PPME1: variants seen among roughly 807,000 people sequenced by gnomAD.
PPME1 encodes the protein testicular secretory protein Li 39.
Under a neutral mutation model 56.9 loss-of-function variants are expected in PPME1, and 17 were observed. That is an observed-to-expected ratio of 0.30 (90% CI 0.20 to 0.45). The LOEUF (loss-of-function observed/expected upper bound fraction) is 0.45, where lower values mean the gene tolerates loss of function less well. Among genes scored for constraint, PPME1 ranks in the 20% least tolerant of loss-of-function variants. The pLI, the probability that PPME1 is intolerant of heterozygous loss-of-function variation, is 1.00. For missense variants in PPME1, 357 were observed against 483.2 expected (o/e 0.74, Z 2.45); for synonymous variants, 122 against 156.2 (o/e 0.78, Z 1.63).
chr11:74,234,916 G>A lies in PPME1; in HGVS notation c.645-985G>A, dbSNP rs183153339. ...TCTTTTCAGAAGCAAGAGGGGATGG[G>A]AACTAGTGCCCAAGGTTGGCCTTGA... On this transcript the variant is annotated intron_variant, in intron 7 of 13. Coordinates refer to ENST00000328257, the MANE Select transcript of PPME1 (RefSeq NM_016147.3). Among the ~76,000 whole-genome samples, 301 of 152,268 alleles carry A rather than the reference G, an allele frequency of 2.0e-3. 1 individual carries two copies. The highest frequency in any genetic ancestry group is 6.5e-3 in the Admixed American group (99 of 15,298).
chr11:74,176,760 T>C (rs1475520719), intron 1 of PPME1, among the ~76,000 whole-genome samples: 1 of 142,734 alleles, frequency 7.0e-6, no homozygotes, highest in Non-Finnish European at 1.5e-5. Context: ...AGAGTCTTGC[T>C]CTGTCACCGA....
intron 3 of PPME1, among the ~76,000 whole-genome samples, chr11:74,216,007 ATAT>A (rs1239864942): frequency 6.6e-6 from 1 of 152,230 alleles, no homozygotes; most frequent in Non-Finnish European, 1.5e-5. Flanking sequence ...GGTAAAGCAA[ATAT>A]TATTAGAGCT....
chr11:74,195,284 C>T (rs992828624), intron 1 of PPME1, among the ~76,000 whole-genome samples: 4 of 152,124 alleles, frequency 2.6e-5, no homozygotes, highest in Non-Finnish European at 4.4e-5. Context: ...TAATCAGTGC[C>T]TGGCTTTTCT....
chr11:74,253,720 G>A lies in PPME1; in HGVS notation c.*210G>A, dbSNP rs1859763498. ...CCCTTGACCAACATCGGCTTCCCCA[G>A]TCCAGGGCTCCCCTGCTCCTTTCCC... On this transcript the variant is annotated 3_prime_UTR_variant, in exon 14 of 14. Transcript: ENST00000328257. The A allele has an allele frequency of 1.6e-6, 1 of 622,482 alleles. No individual in the cohort carries two copies. The highest frequency in any genetic ancestry group is 2.9e-6 in the Non-Finnish European group (1 of 349,786). The allele number at this position is 622,482 out of a possible 1,614,324, so 38.6% of individuals were successfully genotyped here. A position where few individuals can be genotyped will look rare whatever the true frequency, so the allele number is the denominator to read the frequency against.
At chr11:74,205,020 T>C (rs1405050190) in intron 3 of PPME1, 1 of 152,386 alleles carries the variant, frequency 6.6e-6, no homozygotes, top group Non-Finnish European at 1.5e-5. Flanking sequence ...TAAACTTCCA[T>C]AGTGCAATTA....
intron 11 of PPME1, 59 bp from the exon 12 acceptor site, chr11:74,250,895 G>C (rs1859640961): frequency 7.0e-7 from 1 of 1,428,076 alleles, no homozygotes; most frequent in Non-Finnish European, 9.7e-7. Context: ...GACCTATGAG[G>C]CTGCATAAGA....
intron 3 of PPME1, among the ~76,000 whole-genome samples, chr11:74,220,241 A>C (rs1373778470): frequency 6.6e-6 from 1 of 152,186 alleles, no homozygotes; most frequent in East Asian, 1.9e-4. Context: ...TAAGAAGATA[A>C]TATGAGATTA....
chr11:74,235,414 G>A (rs923567051), intron 7 of PPME1, among the ~76,000 whole-genome samples: 5 of 151,910 alleles, frequency 3.3e-5, no homozygotes, highest in Non-Finnish European at 7.4e-5. Flanking sequence ...TTATCCTGCC[G>A]ACTTTCACAT....
chr11:74,249,715 A>G (rs1215850688), intron 11 of PPME1: 1 of 152,234 alleles, frequency 6.6e-6, no homozygotes, highest in Non-Finnish European at 1.5e-5. Context: ...TCTTATGGAA[A>G]TGACACACTC....
chr11:74,240,915 C>T (rs1859339956), intron 9 of PPME1, among the ~76,000 whole-genome samples: 1 of 152,190 alleles, frequency 6.6e-6, no homozygotes, highest in African/African-American at 2.4e-5. Flanking sequence ...CATTTTAGTT[C>T]TGCATTGTAG....
At chr11:74,175,161 A>C (rs1857372988) in intron 1 of PPME1, among the ~76,000 whole-genome samples, 1 of 152,220 alleles carries the variant, frequency 6.6e-6, no homozygotes, top group Non-Finnish European at 1.5e-5. Context: ...GAGGAACTAT[A>C]AAATATTAAA....
At chr11:74,216,783 G>T (rs1007234422) in intron 3 of PPME1, among the ~76,000 whole-genome samples, 2 of 152,078 alleles carry the variant, frequency 1.3e-5, no homozygotes, top group African/African-American at 4.8e-5. Context: ...AGATGAAAAA[G>T]GAGACATTGC....
chr11:74,244,436 T>A (rs959211215), intron 9 of PPME1, among the ~76,000 whole-genome samples: 6 of 152,204 alleles, frequency 3.9e-5, no homozygotes, highest in Non-Finnish European at 5.9e-5. Context: ...CTTATTTTTC[T>A]CTTTTTTGAT....
chr11:74,213,326 A>G (rs558427080), intron 3 of PPME1, among the ~76,000 whole-genome samples: 1 of 152,292 alleles, frequency 6.6e-6, no homozygotes, highest in East Asian at 1.9e-4. Context: ...ATAGTAGAGC[A>G]CCAGGTAGAT....
intron 1 of PPME1, among the ~76,000 whole-genome samples, chr11:74,185,377 T>C (rs998260886): frequency 9.9e-5 from 15 of 152,158 alleles, no homozygotes; most frequent in African/African-American, 3.4e-4. Flanking sequence ...TGGTCTGAAA[T>C]ATACTTCATT....
chr11:74,198,369 T>C (rs1858047972), intron 1 of PPME1, among the ~76,000 whole-genome samples: 1 of 152,224 alleles, frequency 6.6e-6, no homozygotes, highest in Admixed American at 6.5e-5. Flanking sequence ...ACATATTTTT[T>C]CCCAGAATCA....
intron 1 of PPME1, among the ~76,000 whole-genome samples, chr11:74,173,205 C>T (rs1857326601): frequency 6.6e-6 from 1 of 152,188 alleles, no homozygotes; most frequent in African/African-American, 2.4e-5. Flanking sequence ...AATTTGGAAA[C>T]TGACCCATAA....
chr11:74,171,475 T>C lies in PPME1; in HGVS notation c.54T>C (p.Pro18=), dbSNP rs772035010. ...TCGGCCGCCTTCCCTCTCGCCCACC[T>C]CTACCCGGCAGCGGGGGCAGTCAGA... ...MHLGRLPSRP[P]LPGSGGSQSG... The change falls in exon 1 of 14, where the codon CCT becomes CCC. Residue 18 remains proline, a synonymous_variant. Transcript: ENST00000328257. 1 of 1,613,442 alleles carries C rather than the reference T, an allele frequency of 6.2e-7. No individual in the cohort carries two copies. The highest frequency in any genetic ancestry group is 2.2e-5 in the East Asian group (1 of 44,886).
intron 1 of PPME1, among the ~76,000 whole-genome samples, chr11:74,196,610 C>T (rs117388910): frequency 0.029 from 4,374 of 151,956 alleles, 89 homozygotes; most frequent in Non-Finnish European, 0.042. Flanking sequence ...GAATTCAGGG[C>T]GAGTCCACAG....
Sources: allele counts gnomAD v4.1 joint callset (sites outside exome capture counted in the v4.1 genomes callset), GRCh38; gene constraint gnomAD v4.1.1; transcripts MANE v1.5; gene names NCBI Gene and HGNC (gene_info 2026-07-23, HGNC 2026-07-21).